The following PLCXD3 variants were observed in gnomAD, a reference collection of about 807,000 sequenced individuals.
PLCXD3 encodes the protein PI-PLC X domain-containing protein 3.
PLCXD3 carries 19 observed loss-of-function variants against 25.5 expected under a neutral mutation model. The observed-to-expected ratio is 0.75, with a 90% CI of 0.52 to 1.09. The LOEUF (loss-of-function observed/expected upper bound fraction) is 1.09, where lower values mean the gene tolerates loss of function less well. PLCXD3 is among the 50% of genes least tolerant of loss of function. The pLI, the probability that PLCXD3 is intolerant of heterozygous loss-of-function variation, is 0.00. For missense variants in PLCXD3, 411 were observed against 388.1 expected (o/e 1.06, Z -0.50); for synonymous variants, 174 against 137.6 (o/e 1.26, Z -1.85).
intron 1 of PLCXD3, among the ~76,000 whole-genome samples, chr5:41,403,056 C>T (rs1019381065): frequency 2.0e-5 from 3 of 151,950 alleles, no homozygotes; most frequent in Non-Finnish European, 4.4e-5. Flanking sequence ...CGCATCTGTC[C>T]TGCATTCCTG....
intron 1 of PLCXD3, among the ~76,000 whole-genome samples, chr5:41,420,419 T>G (rs1197968695): frequency 1.3e-5 from 2 of 152,202 alleles, no homozygotes; most frequent in Non-Finnish European, 2.9e-5. Context: ...TGGCATAAAT[T>G]CAGTGTTCCT....
At chr5:41,481,823 T>C (rs1748421146) in intron 1 of PLCXD3, among the ~76,000 whole-genome samples, 2 of 152,220 alleles carry the variant, frequency 1.3e-5, no homozygotes, top group African/African-American at 4.8e-5. Context: ...TCCCACCTCC[T>C]GGCATGGACA....
chr5:41,427,895 T>A (rs976062521), intron 1 of PLCXD3, among the ~76,000 whole-genome samples: 6 of 152,126 alleles, frequency 3.9e-5, no homozygotes, highest in Non-Finnish European at 4.4e-5. Flanking sequence ...GGGAAACATA[T>A]TTTTTAATGT....
At chr5:41,313,819 T>C (rs1743212614) in intron 2 of PLCXD3, 49 bp from the exon 3 acceptor site, 1 of 1,509,588 alleles carries the variant, frequency 6.6e-7, no homozygotes, top group African/African-American at 1.4e-5. Context: ...GATACTATTT[T>C]TCAAGCTCTA....
rs1743110667 is a variant in PLCXD3 at position 41,310,590 on chromosome 5, A to G, written c.*3027T>C. 1 of 152,582 alleles carries G rather than the reference A, an allele frequency of 6.6e-6. No individual in the cohort carries two copies. The highest frequency in any genetic ancestry group is 2.1e-4 in the South Asian group (1 of 4,824). The allele number at this position is 152,582 out of a possible 1,614,324, so 9.5% of individuals were successfully genotyped here. Reference sequence around the variant, plus strand: ...TAAGGATAAGCTTCGATTGCATATCACCATTTTTTACTTTTGGAAGGCCCG... The same window carrying G: ...TAAGGATAAGCTTCGATTGCATATCGCCATTTTTTACTTTTGGAAGGCCCG... On this transcript the variant is annotated 3_prime_UTR_variant, in exon 3 of 3. Coordinates refer to ENST00000377801, the MANE Select transcript of PLCXD3 (RefSeq NM_001005473.3).
intron 1 of PLCXD3, among the ~76,000 whole-genome samples, chr5:41,477,136 T>C (rs936368281): frequency 6.6e-6 from 1 of 152,190 alleles, no homozygotes; most frequent in African/African-American, 2.4e-5. Flanking sequence ...TTTCTGGCCC[T>C]CTGAACTAGG....
intron 1 of PLCXD3, among the ~76,000 whole-genome samples, chr5:41,463,510 G>A (rs185411376): frequency 6.6e-6 from 1 of 151,848 alleles, no homozygotes; most frequent in Non-Finnish European, 1.5e-5. Flanking sequence ...TAAATTTTGG[G>A]GGGACACAAA....
chr5:41,346,146 G>A (rs969178958), intron 2 of PLCXD3, among the ~76,000 whole-genome samples: 3 of 152,198 alleles, frequency 2.0e-5, no homozygotes, highest in African/African-American at 7.2e-5. Flanking sequence ...CTCCCGAAGT[G>A]CTGGGATTAC....
At chr5:41,510,304 T>C in intron 1 of PLCXD3, 120 bp downstream of exon 1, 1 of 911,224 alleles carries the variant, frequency 1.1e-6, no homozygotes, top group Admixed American at 2.7e-5. Context: ...AGACCCACCC[T>C]GGAAGACGAG....
rs564797060 is a variant in PLCXD3 at position 41,447,896 on chromosome 5, G to T, written c.103+62528C>A. ...CCATCATCATCTGGTTACATGCTGTGCTGTGAATAAATTAAATTCAGATTT... is the reference window on the plus strand; with the variant it reads ...CCATCATCATCTGGTTACATGCTGTTCTGTGAATAAATTAAATTCAGATTT... On this transcript the variant is annotated intron_variant, in intron 1 of 2. Transcript: ENST00000377801. Among the ~76,000 whole-genome samples the T allele has an allele frequency of 1.3e-4, 20 of 152,330 alleles. No individual in the cohort carries two copies. In the South Asian group the frequency reaches 4.1e-3, roughly 32 times the overall value.
chr5:41,483,200 C>T (rs1748448306), intron 1 of PLCXD3, among the ~76,000 whole-genome samples: 2 of 152,044 alleles, frequency 1.3e-5, no homozygotes, highest in African/African-American at 4.8e-5. Context: ...ATCCCAAATA[C>T]TTAGGATTAA....
chr5:41,435,119 A>G (rs1007700786), intron 1 of PLCXD3, among the ~76,000 whole-genome samples: 5 of 152,232 alleles, frequency 3.3e-5, no homozygotes, highest in Non-Finnish European at 5.9e-5. Context: ...GTACAAAGGC[A>G]CAAAGGATTT....
intron 1 of PLCXD3, among the ~76,000 whole-genome samples, chr5:41,406,199 A>G (rs949757921): frequency 6.6e-6 from 1 of 151,972 alleles, no homozygotes; most frequent in African/African-American, 2.4e-5. Context: ...ATGAAGGTTA[A>G]CACCTTCATT....
chr5:41,401,210 T>A (rs970888434), intron 1 of PLCXD3, among the ~76,000 whole-genome samples: 1 of 152,030 alleles, frequency 6.6e-6, no homozygotes, highest in African/African-American at 2.4e-5. Flanking sequence ...AAGTTTTATT[T>A]TTTATGAAAT....
intron 1 of PLCXD3, among the ~76,000 whole-genome samples, chr5:41,451,392 A>C (rs1221459898): frequency 1.3e-5 from 2 of 152,042 alleles, no homozygotes; most frequent in Admixed American, 6.6e-5. Context: ...ATGGGATTCT[A>C]TTTACAATTC....
chr5:41,343,088 A>T (rs2150478386), intron 2 of PLCXD3, among the ~76,000 whole-genome samples: 1 of 152,286 alleles, frequency 6.6e-6, no homozygotes, highest in South Asian at 2.1e-4. Context: ...ATCATCAACA[A>T]AACTGTGCTA....
At chr5:41,496,712 T>A (rs528367769) in intron 1 of PLCXD3, among the ~76,000 whole-genome samples, 4 of 148,426 alleles carry the variant, frequency 2.7e-5, no homozygotes, top group Admixed American at 2.0e-4. Context: ...TAAGTTGAAA[T>A]GAAAATATGT....
At chr5:41,333,639 T>C (rs772464253) in intron 2 of PLCXD3, among the ~76,000 whole-genome samples, 3 of 152,176 alleles carry the variant, frequency 2.0e-5, no homozygotes, top group Non-Finnish European at 2.9e-5. Context: ...AAAAATATTT[T>C]TCCCCTAAAA....
chr5:41,409,692 G>C (rs1439474463), intron 1 of PLCXD3, among the ~76,000 whole-genome samples: 1 of 152,002 alleles, frequency 6.6e-6, no homozygotes, highest in African/African-American at 2.4e-5. Flanking sequence ...TGTCTTGTTC[G>C]CTATTGTGCC....
Sources: gnomAD v4.1 joint callset for allele counts (sites outside exome capture counted in the v4.1 genomes callset) on GRCh38, gnomAD v4.1.1 for gene constraint, MANE v1.5 for transcripts, NCBI Gene and HGNC (gene_info 2026-07-23, HGNC 2026-07-21) for gene names.